SVOP: variants seen among roughly 807,000 people sequenced by gnomAD.
SVOP encodes the protein SV2 related protein.
A neutral mutation model predicts 69.1 loss-of-function variants in SVOP; 17 were observed. The observed-to-expected ratio is 0.25, with a 90% CI of 0.17 to 0.37. The LOEUF is 0.37. Among genes scored for constraint, SVOP ranks in the 10% least tolerant of loss-of-function variants. SVOP has a pLI of 1.00. For missense variants in SVOP, 435 were observed against 597.5 expected, an observed-to-expected ratio of 0.73 and a Z score of 2.84; for synonymous variants, 238 against 238.6, an observed-to-expected ratio of 1.00 and a Z score of 0.02.
intron 5 of SVOP, among the ~76,000 whole-genome samples, chr12:108,968,597 C>A (rs2040059966): frequency 1.3e-5 from 2 of 151,984 alleles, no homozygotes; most frequent in African/African-American, 4.8e-5. Flanking sequence ...AGATTCAAGC[C>A]CAAAGTTAAG....
chr12:108,978,749 C>CCG, intron 2 of SVOP, 86 bp from the exon 3 acceptor site: 2 of 662,110 alleles, frequency 3.0e-6, no homozygotes, highest in Non-Finnish European at 5.5e-6. Context: ...TGGTCCCCAG[C>CCG]CAAGCTAATT....
At chr12:108,923,954 T>C (rs1012396647) in intron 11 of SVOP, among the ~76,000 whole-genome samples, 4 of 152,148 alleles carry the variant, frequency 2.6e-5, no homozygotes, top group Admixed American at 2.0e-4. Flanking sequence ...TGGTCTGAAA[T>C]GTGTCCCTCC....
At chr12:108,942,321 G>A (rs752755943) in intron 7 of SVOP, among the ~76,000 whole-genome samples, 1 of 152,136 alleles carries the variant, frequency 6.6e-6, no homozygotes, top group Non-Finnish European at 1.5e-5. Flanking sequence ...GTACAAAATG[G>A]ACACATTGAT....
intron 1 of SVOP, among the ~76,000 whole-genome samples, chr12:109,013,934 G>A (rs1414177694): frequency 1.3e-5 from 2 of 151,720 alleles, no homozygotes; most frequent in East Asian, 3.9e-4. Flanking sequence ...GTGGGATCAT[G>A]CTGTATTTGT....
chr12:108,969,638 C>T (rs746121744), intron 5 of SVOP, among the ~76,000 whole-genome samples: 2 of 150,386 alleles, frequency 1.3e-5, no homozygotes, highest in Non-Finnish European at 1.5e-5. Context: ...CTCTTTAGTT[C>T]CTTCCTTTTT....
chr12:108,918,717 A>G (rs1209574160), intron 13 of SVOP, among the ~76,000 whole-genome samples: 3 of 152,226 alleles, frequency 2.0e-5, no homozygotes, highest in African/African-American at 7.2e-5. Context: ...GAAATGTTAA[A>G]ACGGGATTAC....
intron 11 of SVOP, among the ~76,000 whole-genome samples, chr12:108,932,738 AT>A (rs1479122712): frequency 6.6e-6 from 1 of 152,096 alleles, no homozygotes; most frequent in East Asian, 1.9e-4. Flanking sequence ...CAGCATTAAC[AT>A]TAAAACAAAG....
rs67827847 is a variant in SVOP at position 109,020,754 on chromosome 12, AC to A, written c.35+79del. The A allele has an allele frequency of 4.3e-3, 1,023 of 238,746 alleles. 10 individuals carry two copies. Among genetic ancestry groups the A allele is most frequent in the African/African-American group, 0.012 (430 of 35,616 alleles). 14.8% of individuals were successfully genotyped at this position (238,746 alleles called of 1,614,324 possible). On this transcript the variant is annotated intron_variant, in intron 1 of 15. Coordinates refer to ENST00000610966, the MANE Select transcript of SVOP (RefSeq NM_018711.5). Reference sequence around the variant, plus strand: ...AATTCAAGAAACCATGCAGAGATGTACCCCCCCCCACCCCCCTTGCAGGTTT... The same window carrying A: ...AATTCAAGAAACCATGCAGAGATGTACCCCCCCCACCCCCCTTGCAGGTTT...
intron 11 of SVOP, among the ~76,000 whole-genome samples, chr12:108,931,971 G>A (rs1486890461): frequency 6.6e-6 from 1 of 152,034 alleles, no homozygotes; most frequent in Admixed American, 6.6e-5. Flanking sequence ...ACTATACTTC[G>A]TGAGGGCTCT....
chr12:109,015,873 G>A (rs541965927), intron 1 of SVOP, among the ~76,000 whole-genome samples: 2 of 152,248 alleles, frequency 1.3e-5, no homozygotes, highest in Non-Finnish European at 2.9e-5. Context: ...GGCCAAATGG[G>A]ACAAATGGAG....
rs548247853 is a variant in SVOP at position 108,972,215 on chromosome 12, G to T, written c.453+190C>A. Among the ~76,000 whole-genome samples, 5 of 151,770 alleles carry T rather than the reference G, an allele frequency of 3.3e-5. No homozygotes were observed. The East Asian group carries it at 7.7e-4, about 23-fold the overall frequency. On this transcript the variant is annotated intron_variant, in intron 5 of 15. Transcript: ENST00000610966. ...TGTCTAGATTCTGAAATGTATATGCGTGGGCCCCACTAGGAATCTGTGCTT... is the reference window on the plus strand; with the variant it reads ...TGTCTAGATTCTGAAATGTATATGCTTGGGCCCCACTAGGAATCTGTGCTT...
At position 108,983,736 on chromosome 12, in the gene SVOP, C is replaced by T; in HGVS notation, c.61G>A (p.Glu21Lys). ...LPVVKFRRTG[E>K]SARSEDDTAS... The stretch of plus-strand genomic sequence containing the variant: ...GTGTCGTCCTCTGACCTTGCACTCT[C>T]GCCTGTGCGACGGAATTTCACAACC... The change falls in exon 2 of 16, where the codon GAG becomes AAG. Residue 21 changes from glutamate (E) to lysine (K), a missense_variant. By Grantham distance (56) the Glu-to-Lys change is moderately conservative. Coordinates refer to ENST00000610966, the MANE Select transcript of SVOP (RefSeq NM_018711.5). 2.5e-6 allele frequency: 1 copy of T among 398,820 alleles called. No homozygotes were observed. The highest frequency in any genetic ancestry group is 4.4e-6 in the Non-Finnish European group (1 of 226,204). The allele number at this position is 398,820 out of a possible 1,614,324, so 24.7% of individuals were successfully genotyped here.
intron 14 of SVOP, among the ~76,000 whole-genome samples, chr12:108,917,646 C>CT (rs57114699): frequency 0.36 from 51,183 of 144,164 alleles, 9,551 homozygotes; most frequent in South Asian, 0.55. Flanking sequence ...CCACCTCATT[C>CT]TTTTTTTTTT....
chr12:108,913,159 C>A (rs1304820493), intron 15 of SVOP, among the ~76,000 whole-genome samples: 1 of 152,102 alleles, frequency 6.6e-6, no homozygotes, highest in Non-Finnish European at 1.5e-5. Flanking sequence ...GCAACCTCCG[C>A]CTTCAGGGTT....
chr12:109,020,922 G>C lies in SVOP; in HGVS notation c.-54C>G. Reference sequence around the variant, plus strand: ...TCATGGCCCTTACATGGTAGTGGTGGATGACGAGCCCTCCGGTTTTCAGCA... The same window carrying C: ...TCATGGCCCTTACATGGTAGTGGTGCATGACGAGCCCTCCGGTTTTCAGCA... On this transcript the variant is annotated 5_prime_UTR_variant, in exon 1 of 16. In the 5' UTR this introduces an upstream ATG that the reference lacks. Transcript: ENST00000610966. The C allele has an allele frequency of 2.8e-6, 2 of 706,382 alleles. No homozygotes were observed. The highest frequency in any genetic ancestry group is 2.6e-6 in the Non-Finnish European group (1 of 379,074). 43.8% of individuals were successfully genotyped at this position (706,382 alleles called of 1,614,324 possible).
At chr12:108,957,623 A>G (rs1455840277) in intron 6 of SVOP, among the ~76,000 whole-genome samples, 3 of 152,226 alleles carry the variant, frequency 2.0e-5, no homozygotes, top group Non-Finnish European at 2.9e-5. Flanking sequence ...CATCTATCAT[A>G]GGGCCACCCA....
At chr12:108,991,264 T>C (rs1022046084) in intron 1 of SVOP, among the ~76,000 whole-genome samples, 1 of 152,144 alleles carries the variant, frequency 6.6e-6, no homozygotes, top group African/African-American at 2.4e-5. Flanking sequence ...AGGACATCTC[T>C]TAAGCAGTAC....
chr12:108,969,679 C>T (rs1167035607), intron 5 of SVOP, among the ~76,000 whole-genome samples: 4 of 151,382 alleles, frequency 2.6e-5, no homozygotes, highest in African/African-American at 7.3e-5. Context: ...TCCCTTCTCC[C>T]TCCCTCCCTT....
At chr12:109,009,937 G>T (rs2040331364) in intron 1 of SVOP, among the ~76,000 whole-genome samples, 1 of 151,860 alleles carries the variant, frequency 6.6e-6, no homozygotes, top group Admixed American at 6.6e-5. Context: ...AGAAACCCTG[G>T]GTTAAAGAGT....
Sources: allele counts gnomAD v4.1 joint callset (sites outside exome capture counted in the v4.1 genomes callset), GRCh38; gene constraint gnomAD v4.1.1; transcripts MANE v1.5; gene names NCBI Gene and HGNC (gene_info 2026-07-23, HGNC 2026-07-21).